Variants in ADAMTSL4 observed in about 807,000 individuals in gnomAD.
ADAMTSL4 encodes ADAMTS-like protein 4.
ADAMTSL4 carries 97 observed loss-of-function variants against 122.8 expected under a neutral mutation model. That is an observed-to-expected ratio of 0.79 (90% confidence interval 0.67 to 0.93). ADAMTSL4 has a LOEUF of 0.93. Ranked by LOEUF, ADAMTSL4 falls within the 40% of genes least tolerant of loss-of-function variation. The pLI, the probability that ADAMTSL4 is intolerant of heterozygous loss-of-function variation, is 0.00. For synonymous variants in ADAMTSL4, 592 were observed against 568.0 expected, an observed-to-expected ratio of 1.04 and a Z score of -0.60; for missense variants, 1,408 against 1,453.5, an observed-to-expected ratio of 0.97 and a Z score of 0.51.
At chr1:150,558,936 A>C (rs1570961813) in intron 15 of ADAMTSL4, 26 bp from the exon 16 acceptor site, 5 of 1,582,980 alleles carry the variant, frequency 3.2e-6, no homozygotes, top group Non-Finnish European at 4.3e-6. Flanking sequence ...CAGGCCCCTC[A>C]CACAGGCCGC....
intron 2 of ADAMTSL4, chr1:150,550,234 G>A (rs1442127077): frequency 2.2e-6 from 1 of 456,504 alleles, no homozygotes; most frequent in South Asian, 1.5e-5. Flanking sequence ...TCCTTTCCTC[G>A]TCCTGGGCCG....
chr1:150,556,042 T>C lies in ADAMTSL4; in HGVS notation c.1372-120T>C. On this transcript the variant is annotated intron_variant, in intron 8 of 18. Transcript: ENST00000271643. The surrounding 1 kb of genome is among the most constrained non-coding windows in gnomAD (Gnocchi z 4.1). The stretch of plus-strand genomic sequence containing the variant: ...CTGGCTGGGGATGGTGGGGCTGTTT[T>C]TGTGCTCTCACTTGTGGCACAAAAA... 2.8e-6 allele frequency: 3 copies of C among 1,067,826 alleles called. No homozygotes were observed. The highest frequency in any genetic ancestry group is 4.2e-6 in the Non-Finnish European group (3 of 713,120). 66.1% of individuals were successfully genotyped at this position (1,067,826 alleles called of 1,614,324 possible).
chr1:150,550,939 C>T (rs587684366), intron 2 of ADAMTSL4: 15 of 456,342 alleles, frequency 3.3e-5, no homozygotes, highest in Middle Eastern at 3.3e-4. Context: ...CTCAGCAATG[C>T]GAGGGCTCCC....
At position 150,552,573 on chromosome 1, in the gene ADAMTSL4, C is replaced by T. The variant is rs587721680; in HGVS notation, c.51C>T (p.Ser17=). 1 of 1,614,002 alleles carries T rather than the reference C, an allele frequency of 6.2e-7. No homozygotes were observed. The highest frequency in any genetic ancestry group is 1.3e-5 in the African/African-American group (1 of 75,000). The change falls in exon 4 of 19, where the codon TCC becomes TCT. Residue 17 remains serine, a synonymous_variant. Coordinates refer to ENST00000271643, the MANE Select transcript of ADAMTSL4 (RefSeq NM_019032.6). The surrounding 1 kb of genome is among the most constrained non-coding windows in gnomAD (Gnocchi z 4.0). ...GGCTGTATCTGCTGCTGCTTCTGTC[C>T]CTCCCTCAGCTCTGCTTGGATCAGG... ...RPWLYLLLLL[S]LPQLCLDQEV...
In ADAMTSL4 at chr1:150,555,447, G is replaced by A; in HGVS notation, c.1253G>A (p.Cys418Tyr). ...CCCTTAGTCCAGGGCTCCCAGCGCTGTGAACTGAACTGCCGGCCCCGTGGC... is the reference window on the plus strand; with the variant it reads ...CCCTTAGTCCAGGGCTCCCAGCGCTATGAACTGAACTGCCGGCCCCGTGGC... ...PFTEVQGSQR[C>Y]ELNCRPRGFR... Residue 418 changes from cysteine to tyrosine, a missense_variant, in exon 8 of 19, where the codon TGT becomes TAT. Cys to Tyr is a radical substitution (Grantham distance 194). Transcript: ENST00000271643. The A allele has an allele frequency of 6.2e-7, 1 of 1,614,146 alleles. No homozygotes were observed. The highest frequency in any genetic ancestry group is 1.1e-5 in the South Asian group (1 of 91,080).
rs781562228 is a variant in ADAMTSL4 at position 150,552,913 on chromosome 1, T to A, written c.94T>A (p.Ser32Thr). The A allele has an allele frequency of 4.3e-6, 7 of 1,612,778 alleles. No homozygotes were observed. The highest frequency in any genetic ancestry group is 5.1e-6 in the Non-Finnish European group (6 of 1,179,948). The change falls in exon 5 of 19, where the codon TCT becomes ACT. Residue 32 changes from serine (S) to threonine (T), a missense_variant. Ser to Thr is a moderately conservative substitution (Grantham distance 58). Coordinates refer to ENST00000271643, the MANE Select transcript of ADAMTSL4 (RefSeq NM_019032.6). The surrounding 1 kb of genome is among the most constrained non-coding windows in gnomAD (Gnocchi z 4.0). ...CLDQEVLSGH[S>T]LQTPTEEGQG... The stretch of plus-strand genomic sequence containing the variant: ...CTCTATATAGGTGTTGTCCGGACAC[T>A]CTCTTCAGACACCTACAGAGGAGGG...
Position 150,553,792 on chromosome 1 carries a change from C to A in ADAMTSL4, c.801C>A (p.His267Gln). The A allele has an allele frequency of 1.9e-6, 3 of 1,614,084 alleles. No homozygotes were observed. The South Asian group carries it at 3.3e-5, about 18-fold the overall frequency. Residue 267 changes from histidine (H) to glutamine (Q), a missense_variant, in exon 6 of 19, where the codon CAC becomes CAA. Coordinates refer to ENST00000271643, the MANE Select transcript of ADAMTSL4 (RefSeq NM_019032.6). ...GCACAGAGCCCCCCTCACCCACGCA[C>A]TCCTTAGGAGAAGGTGGCTTCTTCC... Reference protein sequence around the residue: ...ASGTEPPSPTHSLGEGGFFRA... With the variant: ...ASGTEPPSPTQSLGEGGFFRA...
Position 150,558,132 on chromosome 1 carries a change from G to A in ADAMTSL4, c.2365G>A (p.Gly789Ser). The A allele has an allele frequency of 6.2e-7, 1 of 1,613,450 alleles. No individual in the cohort carries two copies. The highest frequency in any genetic ancestry group is 8.5e-7 in the Non-Finnish European group (1 of 1,180,036). ...GCGCCTCTGTGGCCATTGGGAAGTT[G>A]GCTCTCCTTGGAGCCAGGTGAGTTT... Reference protein sequence around the residue: ...QLRLCGHWEVGSPWSQCSVRC... With the variant: ...QLRLCGHWEVSSPWSQCSVRC... Residue 789 changes from glycine (G) to serine (S), a missense_variant, in exon 14 of 19, where the codon GGC (glycine) becomes AGC (serine). Physicochemically the swap from Gly to Ser is moderately conservative, Grantham distance 56. Transcript: ENST00000271643.
At position 150,552,159 on chromosome 1, in the gene ADAMTSL4, C is replaced by T. The variant is rs1489037372; in HGVS notation, c.-84-46C>T. 5 of 964,736 alleles carry T rather than the reference C, an allele frequency of 5.2e-6. No individual in the cohort carries two copies. The Admixed American group carries it at 1.3e-4, about 25-fold the overall frequency. The allele number at this position is 964,736 out of a possible 1,614,324, so 59.8% of individuals were successfully genotyped here. On this transcript the variant is annotated intron_variant, in intron 2 of 18. Coordinates refer to ENST00000271643, the MANE Select transcript of ADAMTSL4 (RefSeq NM_019032.6). This position sits in a 1 kb window ranked among gnomAD's most constrained non-coding sequence, Gnocchi z 4.0. ...TCTGAGCTGTCCTCCCAGCCCCAAG[C>T]TCTCTGGACACTGGAGAGGTAACCA...
chr1:150,555,637 A>G (rs1671961695), intron 8 of ADAMTSL4, 72 bp downstream of exon 8: 2 of 1,529,006 alleles, frequency 1.3e-6, no homozygotes, highest in Non-Finnish European at 8.8e-7. Context: ...ATATGCATAC[A>G]CATGTACACA....
intron 7 of ADAMTSL4, 110 bp from the exon 8 acceptor site, chr1:150,555,319 T>G: frequency 7.1e-7 from 1 of 1,398,940 alleles, no homozygotes; most frequent in Non-Finnish European, 9.8e-7. Flanking sequence ...GTTGTCACAT[T>G]TCCTTCATCC....
rs587721308 is a variant in ADAMTSL4, at chr1:150,553,948, G to T, written c.957G>T (p.Thr319=). ...AGCAGGGCCAAGGGCCTTGGGGAACGGGGGGGACTCCTCACGGGCCCCGCC... is the reference window on the plus strand; with the variant it reads ...AGCAGGGCCAAGGGCCTTGGGGAACTGGGGGGACTCCTCACGGGCCCCGCC... ...RGQQGQGPWG[T]GGTPHGPRLE... is the part of the protein sequence containing the mutation. The change falls in exon 6 of 19, where the codon ACG becomes ACT. Residue 319 remains threonine, a synonymous_variant. Transcript: ENST00000271643. 1.9e-6 allele frequency: 3 copies of T among 1,603,834 alleles called. No individual in the cohort carries two copies. The highest frequency in any genetic ancestry group is 4.5e-5 in the East Asian group (2 of 44,662).
In ADAMTSL4 at chr1:150,556,759, C is replaced by A; in HGVS notation, c.1715C>A (p.Ala572Asp). Residue 572 changes from alanine (A) to aspartate (D), a missense_variant, in exon 10 of 19, where the codon GCT becomes GAT. Ala to Asp is a moderately radical substitution (Grantham distance 126, BLOSUM62 -2). Transcript: ENST00000271643. This position sits in a 1 kb window ranked among gnomAD's most constrained non-coding sequence, Gnocchi z 4.1. ...REEGKGESLSAEGPTTQPVDV... is the reference protein window; with the variant it reads ...REEGKGESLSDEGPTTQPVDV... ...GAGGGCAAAGGGGAGAGTCTGTCGG[C>A]TGAAGGCCCCACCACCCAGCCTGTG... The A allele has an allele frequency of 6.2e-7, 1 of 1,613,472 alleles. No homozygotes were observed. Among genetic ancestry groups the A allele is most frequent in the Non-Finnish European group, 8.5e-7 (1 of 1,179,570 alleles).
In ADAMTSL4 at chr1:150,549,984, A is replaced by G. The variant is rs1188925077; in HGVS notation, c.-85+89A>G. On this transcript the variant is annotated intron_variant, in intron 2 of 18. Coordinates refer to ENST00000271643, the MANE Select transcript of ADAMTSL4 (RefSeq NM_019032.6). This position sits in a 1 kb window ranked among gnomAD's most constrained non-coding sequence, Gnocchi z 5.0. ...GTTGGGGTGGCCTGCCAGACCCAGGAGTGGAGGGCTCTGAGGGCCCGGGAA... is the reference window on the plus strand; with the variant it reads ...GTTGGGGTGGCCTGCCAGACCCAGGGGTGGAGGGCTCTGAGGGCCCGGGAA... 3 of 219,146 alleles carry G rather than the reference A, an allele frequency of 1.4e-5. No individual in the cohort carries two copies. Among genetic ancestry groups the G allele is most frequent in the Non-Finnish European group, 3.1e-5 (3 of 97,310 alleles). 13.6% of individuals were successfully genotyped at this position (219,146 alleles called of 1,614,324 possible).
At position 150,559,923 on chromosome 1, in the gene ADAMTSL4, C is replaced by T; in HGVS notation, c.3088+18C>T. ...GCGCCCTGGTAAAGAGCCCCCTCTCCCCAATCCCCAATACAGTGGATTAGC... is the reference window on the plus strand; with the variant it reads ...GCGCCCTGGTAAAGAGCCCCCTCTCTCCAATCCCCAATACAGTGGATTAGC... On this transcript the variant is annotated intron_variant, in intron 18 of 18. Transcript: ENST00000271643. This position sits in a 1 kb window ranked among gnomAD's most constrained non-coding sequence, Gnocchi z 4.1. 1.9e-6 allele frequency: 3 copies of T among 1,613,762 alleles called. No homozygotes were observed. Among genetic ancestry groups the T allele is most frequent in the Non-Finnish European group, 2.5e-6 (3 of 1,179,974 alleles).
intron 2 of ADAMTSL4, chr1:150,550,283 A>G (rs1282088036): frequency 6.6e-6 from 3 of 452,938 alleles, no homozygotes; most frequent in Non-Finnish European, 1.3e-5. Flanking sequence ...AGGGGTGAGA[A>G]GCATAAATGT....
In ADAMTSL4 at chr1:150,556,744, G is replaced by A. The variant is rs758687271; in HGVS notation, c.1700G>A (p.Gly567Glu). 2.0e-5 allele frequency: 32 copies of A among 1,613,678 alleles called. No homozygotes were observed. Among genetic ancestry groups the A allele is most frequent in the Non-Finnish European group, 2.6e-5 (31 of 1,179,814 alleles). ...CGTCCTCCCAGGGAGGAGGGCAAAG[G>A]GGAGAGTCTGTCGGCTGAAGGCCCC... The part of the protein sequence containing the change: ...YNRPPREEGK[G>E]ESLSAEGPTT... Residue 567 changes from glycine to glutamate, a missense_variant, in exon 10 of 19, where the codon GGG (glycine) becomes GAG (glutamate). By Grantham distance (98) the Gly-to-Glu change is moderately conservative. Transcript: ENST00000271643. This position sits in a 1 kb window ranked among gnomAD's most constrained non-coding sequence, Gnocchi z 4.1.
intron 2 of ADAMTSL4, chr1:150,551,113 T>G: frequency 2.4e-6 from 1 of 420,284 alleles, no homozygotes; most frequent in South Asian, 1.7e-5. Context: ...CTTCCAAGCC[T>G]CACTTCTCCA....
rs1260389227 is a variant in ADAMTSL4 at position 150,553,927 on chromosome 1, G to A, written c.936G>A (p.Gln312=). Residue 312 remains glutamine, a synonymous_variant, in exon 6 of 19, where the codon CAG becomes CAA. Transcript: ENST00000271643. ...CGGTCCCTCGGGGCCGAGGCCAGCAGGGCCAAGGGCCTTGGGGAACGGGGG... is the reference window on the plus strand; with the variant it reads ...CGGTCCCTCGGGGCCGAGGCCAGCAAGGCCAAGGGCCTTGGGGAACGGGGG... ...FPSVPRGRGQ[Q]GQGPWGTGGT... is the part of the protein sequence containing the mutation. The A allele has an allele frequency of 1.9e-6, 3 of 1,611,322 alleles. No homozygotes were observed. In the African/African-American group the frequency reaches 4.0e-5, roughly 22 times the overall value.
Sources: allele counts gnomAD v4.1 joint callset, GRCh38; gene constraint gnomAD v4.1.1; non-coding constraint Gnocchi (gnomAD v3.1); transcripts MANE v1.5; gene names NCBI Gene and HGNC (gene_info 2026-07-23, HGNC 2026-07-21).